Variants in FYN observed in about 807,000 individuals in gnomAD.
FYN encodes FYN proto-oncogene, Src family tyrosine kinase, also known as tyrosine-protein kinase Fyn.
In FYN, 10 loss-of-function variants were observed where a neutral mutation model predicts 70.2. That is an observed-to-expected ratio of 0.14 (90% CI 0.09 to 0.24). FYN has a LOEUF of 0.24. FYN is among the 10% of genes least tolerant of loss of function. The pLI, the probability that FYN is intolerant of heterozygous loss-of-function variation, is 1.00. For missense variants in FYN, 319 were observed against 673.1 expected, an observed-to-expected ratio of 0.47 and a Z score of 5.82; for synonymous variants, 236 against 248.6, an observed-to-expected ratio of 0.95 and a Z score of 0.48.
intron 12 of FYN, among the ~76,000 whole-genome samples, chr6:111,693,171 A>G (rs1169226771): frequency 6.6e-6 from 1 of 152,204 alleles, no homozygotes; most frequent in Non-Finnish European, 1.5e-5. Context: ...CTCAGATCAA[A>G]TGAAGGGAGA....
intron 3 of FYN, among the ~76,000 whole-genome samples, chr6:111,745,314 C>T (rs1802158395): frequency 6.6e-6 from 1 of 152,176 alleles, no homozygotes; most frequent in South Asian, 2.1e-4. Context: ...AGCCTGCTTG[C>T]CTGAAGAAAC....
At chr6:111,836,988 T>C (rs1287612357) in intron 2 of FYN, among the ~76,000 whole-genome samples, 1 of 152,136 alleles carries the variant, frequency 6.6e-6, no homozygotes, top group African/African-American at 2.4e-5. Flanking sequence ...ATACCAAATA[T>C]AAGAAAACAG....
intron 1 of FYN, among the ~76,000 whole-genome samples, chr6:111,864,775 G>C (rs181012286): frequency 1.3e-5 from 2 of 152,210 alleles, no homozygotes; most frequent in Non-Finnish European, 2.9e-5. Flanking sequence ...CAGCTCTGGA[G>C]CAAAAGCAGG....
At chr6:111,756,951 G>A (rs1329145799) in intron 3 of FYN, among the ~76,000 whole-genome samples, 1 of 151,944 alleles carries the variant, frequency 6.6e-6, no homozygotes, top group Admixed American at 6.5e-5. Context: ...TCCTATCCCC[G>A]CTATCCCTAC....
intron 3 of FYN, among the ~76,000 whole-genome samples, chr6:111,764,174 T>C (rs1488600088): frequency 4.3e-5 from 1 of 23,234 alleles, no homozygotes; most frequent in Non-Finnish European, 9.9e-5. Flanking sequence ...AAAAAATGAA[T>C]AAAATGTTAA....
chr6:111,730,611 C>T (rs144321958), intron 3 of FYN, among the ~76,000 whole-genome samples: 1 of 152,128 alleles, frequency 6.6e-6, no homozygotes, highest in African/African-American at 2.4e-5. Context: ...GTTGCCTTCA[C>T]CCTTTCCTGT....
rs1399404505 is a variant in FYN, at chr6:111,699,758, G to A, written c.862+346C>T. The stretch of plus-strand genomic sequence containing the variant: ...AGGAAAGATGGAAGGTGACTTGCCC[G>A]TTAGGATGACACTCAACAAATATTT... On this transcript the variant is annotated intron_variant, in intron 9 of 13. Coordinates refer to ENST00000354650, the MANE Select transcript of FYN (RefSeq NM_002037.5). The A allele has an allele frequency of 7.9e-6, 10 of 1,264,012 alleles. No individual in the cohort carries two copies. In the East Asian group the frequency reaches 9.5e-5, roughly 12 times the overall value. The allele number at this position is 1,264,012 out of a possible 1,614,324, so 78.3% of individuals were successfully genotyped here.
At chr6:111,739,091 A>C (rs1265424542) in intron 3 of FYN, among the ~76,000 whole-genome samples, 5 of 152,138 alleles carry the variant, frequency 3.3e-5, no homozygotes, top group African/African-American at 1.2e-4. Flanking sequence ...TTTGAACTGA[A>C]GTGACCCCAG....
intron 3 of FYN, among the ~76,000 whole-genome samples, chr6:111,755,935 G>A (rs1034668040): frequency 3.3e-5 from 5 of 151,950 alleles, no homozygotes; most frequent in Admixed American, 3.3e-4. Context: ...GAGAATTAAT[G>A]AACAAGTATC....
At chr6:111,831,660 A>G (rs1207379660) in intron 2 of FYN, among the ~76,000 whole-genome samples, 1 of 152,218 alleles carries the variant, frequency 6.6e-6, no homozygotes, top group African/African-American at 2.4e-5. Context: ...TAAATGTTGC[A>G]CTTTCTCACA....
At chr6:111,717,453 G>A (rs772301037) in intron 4 of FYN, among the ~76,000 whole-genome samples, 16 of 151,776 alleles carry the variant, frequency 1.1e-4, no homozygotes, top group Non-Finnish European at 1.9e-4. Context: ...GAAATGACAG[G>A]GAGCCCACTT....
intron 2 of FYN, among the ~76,000 whole-genome samples, chr6:111,804,931 T>C (rs910679371): frequency 5.3e-5 from 8 of 152,182 alleles, no homozygotes; most frequent in African/African-American, 1.9e-4. Context: ...TCAGCTTCTT[T>C]ATCAAAGTAC....
At chr6:111,854,943 G>A (rs1021143223) in intron 1 of FYN, among the ~76,000 whole-genome samples, 1 of 152,140 alleles carries the variant, frequency 6.6e-6, no homozygotes, top group African/African-American at 2.4e-5. Flanking sequence ...TTTAACATAC[G>A]CAGCTGCAGA....
intron 1 of FYN, among the ~76,000 whole-genome samples, chr6:111,870,182 G>C (rs985036873): frequency 6.6e-6 from 1 of 152,198 alleles, no homozygotes; most frequent in Non-Finnish European, 1.5e-5. Context: ...GAATGTGAGA[G>C]GAAGTGATGG....
intron 2 of FYN, among the ~76,000 whole-genome samples, chr6:111,808,927 A>G (rs1772238533): frequency 6.6e-6 from 1 of 152,250 alleles, no homozygotes; most frequent in African/African-American, 2.4e-5. Context: ...AAGAAATGAT[A>G]TCTTACTTTA....
Position 111,674,481 on chromosome 6 carries a change from G to A in FYN, c.1405+18C>T, listed in dbSNP as rs1161215498. 3 of 1,603,180 alleles carry A rather than the reference G, an allele frequency of 1.9e-6. No homozygotes were observed. Among genetic ancestry groups the A allele is most frequent in the South Asian group, 2.2e-5 (2 of 89,668 alleles). On this transcript the variant is annotated intron_variant, in intron 13 of 13. Transcript: ENST00000354650. The stretch of plus-strand genomic sequence containing the variant: ...AGCCTCCAATCTCAGGCCCATGTCT[G>A]TGAGGCCCTGCTCTTACCTGGGTAT...
chr6:111,719,667 T>A, intron 4 of FYN, 138 bp downstream of exon 4: 2 of 963,324 alleles, frequency 2.1e-6, no homozygotes, highest in Non-Finnish European at 3.0e-6. Flanking sequence ...CAACCCCTCA[T>A]CTAGTAGAGG....
chr6:111,805,735 C>T (rs1583459829), intron 2 of FYN, among the ~76,000 whole-genome samples: 2 of 152,296 alleles, frequency 1.3e-5, no homozygotes, highest in Admixed American at 6.5e-5. Flanking sequence ...TTAACTCATA[C>T]ACATGCATCA....
At chr6:111,853,357 C>CTTT (rs5879129) in intron 1 of FYN, among the ~76,000 whole-genome samples, 3 of 145,608 alleles carry the variant, frequency 2.1e-5, no homozygotes, top group Non-Finnish European at 4.5e-5. Flanking sequence ...CAAGACACTC[C>CTTT]TTTTTTTTTT....
Sources: gnomAD v4.1 joint callset for allele counts (sites outside exome capture counted in the v4.1 genomes callset) on GRCh38, gnomAD v4.1.1 for gene constraint, MANE v1.5 for transcripts, NCBI Gene and HGNC (gene_info 2026-07-23, HGNC 2026-07-21) for gene names.